The following SEC11C variants were observed in gnomAD, a reference collection of about 807,000 sequenced individuals.
SEC11C encodes SEC11 homolog C, signal peptidase complex subunit.
Under a neutral mutation model 21.9 loss-of-function variants are expected in SEC11C, and 10 were observed. That is an observed-to-expected ratio of 0.46 (90% CI 0.28 to 0.77). The LOEUF (loss-of-function observed/expected upper bound fraction) is 0.77. SEC11C is among the 30% of genes least tolerant of loss of function. The probability of loss-of-function intolerance (pLI) is 0.12; values close to 1 mark genes in which losing one functional copy is unlikely to be tolerated. For missense variants in SEC11C, 145 were observed against 244.5 expected, an observed-to-expected ratio of 0.59 and a Z score of 2.71; for synonymous variants, 83 against 85.6, an observed-to-expected ratio of 0.97 and a Z score of 0.17.
intron 1 of SEC11C, chr18:59,147,964 AGAAGTGAG>A (rs1347237702): frequency 1.3e-5 from 2 of 152,306 alleles, no homozygotes; most frequent in Non-Finnish European, 2.9e-5. Context: ...AGGTGTACAC[AGAAGTGAG>A]CACAGATGCC....
At chr18:59,157,731 T>C (rs1380694819) in intron 5 of SEC11C, 66 bp downstream of exon 5, 6 of 1,096,326 alleles carry the variant, frequency 5.5e-6, no homozygotes, top group Non-Finnish European at 5.6e-6. Flanking sequence ...CTTCTGCAAC[T>C]GTAAACAGGC....
chr18:59,153,927 G>T (rs150103272), intron 3 of SEC11C, among the ~76,000 whole-genome samples: 11,242 of 152,028 alleles, frequency 0.074, 675 homozygotes, highest in African/African-American at 0.16. Flanking sequence ...GGCTGATCTC[G>T]AACTCCTGAC....
chr18:59,158,584 A>G lies in SEC11C; in HGVS notation c.526-48A>G, dbSNP rs1483447567. ...TCATCTGAATACATTTACAGACCAA[A>G]TTTCTTTGTAGACCTCACAGTGATT... On this transcript the variant is annotated intron_variant, in intron 5 of 5. Transcript: ENST00000587834. The G allele has an allele frequency of 3.9e-6, 6 of 1,532,812 alleles. No homozygotes were observed. The Admixed American group carries it at 8.4e-5, about 21-fold the overall frequency. The allele number at this position is 1,532,812 out of a possible 1,614,324, so 95.0% of individuals were successfully genotyped here. A position where few individuals can be genotyped will look rare whatever the true frequency, so the allele number is the denominator to read the frequency against.
intron 1 of SEC11C, chr18:59,146,856 A>G (rs1157401160): frequency 6.6e-6 from 1 of 152,142 alleles, no homozygotes; most frequent in Admixed American, 6.5e-5. Flanking sequence ...GAATCACCCC[A>G]CCCCTCCCAG....
intron 3 of SEC11C, among the ~76,000 whole-genome samples, chr18:59,154,923 C>T (rs571938278): frequency 6.6e-6 from 1 of 151,968 alleles, no homozygotes; most frequent in Non-Finnish European, 1.5e-5. Context: ...AAAATTACCT[C>T]GGTGTGGTGG....
chr18:59,148,539 G>A lies in SEC11C; in HGVS notation c.88-974G>A, dbSNP rs988406488. ...TAAACGCAGTGGTCTGAGGTAGATC[G>A]GGTGGGCTTTCACCTCCTTCTCAGA... On this transcript the variant is annotated intron_variant, in intron 1 of 5. Coordinates refer to ENST00000587834, the MANE Select transcript of SEC11C (RefSeq NM_033280.4). Among the ~76,000 whole-genome samples, 5 of 152,316 alleles carry A rather than the reference G, an allele frequency of 3.3e-5. No homozygotes were observed. The East Asian group carries it at 5.8e-4, about 18-fold the overall frequency.
chr18:59,158,003 A>AATATATACACATATATGTAT (rs961123327), intron 5 of SEC11C, among the ~76,000 whole-genome samples: 1 of 152,040 alleles, frequency 6.6e-6, no homozygotes, highest in Non-Finnish European at 1.5e-5. Flanking sequence ...TCTCTCTCTA[A>AATATATACACATATATGTAT]ATATATACAC....
chr18:59,148,253 C>T (rs1031398424), intron 1 of SEC11C, among the ~76,000 whole-genome samples: 6 of 152,172 alleles, frequency 3.9e-5, no homozygotes, highest in African/African-American at 1.4e-4. Flanking sequence ...CCCTGGAGGG[C>T]GGTGCTGGCA....
chr18:59,144,166 C>T (rs1171147731), intron 1 of SEC11C, among the ~76,000 whole-genome samples: 1 of 152,152 alleles, frequency 6.6e-6, no homozygotes, highest in Non-Finnish European at 1.5e-5. Flanking sequence ...CCACTTTCTA[C>T]TCAGTTATTT....
At chr18:59,144,219 T>C (rs973273385) in intron 1 of SEC11C, among the ~76,000 whole-genome samples, 5 of 152,214 alleles carry the variant, frequency 3.3e-5, no homozygotes, top group African/African-American at 1.2e-4. Flanking sequence ...ATTATTAGAA[T>C]TAAGACTGTA....
chr18:59,141,983 C>T (rs2069216120), intron 1 of SEC11C, among the ~76,000 whole-genome samples: 1 of 152,132 alleles, frequency 6.6e-6, no homozygotes, highest in Admixed American at 6.5e-5. Context: ...CTGCTGTGAG[C>T]ATTAAGTGCT....
chr18:59,139,908 A>C lies in SEC11C; in HGVS notation c.-41A>C. 3.4e-6 allele frequency: 5 copies of C among 1,460,712 alleles called. No individual in the cohort carries two copies. The highest frequency in any genetic ancestry group is 4.6e-6 in the Non-Finnish European group (5 of 1,091,956). 90.5% of individuals were successfully genotyped at this position (1,460,712 alleles called of 1,614,324 possible). On this transcript the variant is annotated 5_prime_UTR_variant, in exon 1 of 6. Transcript: ENST00000587834. ...CAGGTGCTCCGCAGCCGTCTGTGCC[A>C]CCCAGAGCCGGCGGGCCGCTAGGTC...
At chr18:59,153,948 C>G (rs2069389448) in intron 3 of SEC11C, among the ~76,000 whole-genome samples, 2 of 152,144 alleles carry the variant, frequency 1.3e-5, no homozygotes, top group South Asian at 4.1e-4. Flanking sequence ...CTCAGGTGAT[C>G]CATCCGCCTT....
chr18:59,146,777 C>A (rs138906289), intron 1 of SEC11C, among the ~76,000 whole-genome samples: 2 of 152,090 alleles, frequency 1.3e-5, no homozygotes, highest in Non-Finnish European at 1.5e-5. Flanking sequence ...GAAGGGTTTG[C>A]GATGGGAGAG....
At position 59,154,485 on chromosome 18, in the gene SEC11C, GCTAT is replaced by G. The variant is rs141228362; in HGVS notation, c.348-1200_348-1197del. On this transcript the variant is annotated intron_variant, in intron 3 of 5. Coordinates refer to ENST00000587834, the MANE Select transcript of SEC11C (RefSeq NM_033280.4). The stretch of plus-strand genomic sequence containing the variant: ...ACAATATTATGTTTCTAGAGTCAAG[GCTAT>G]CTGAGTACCAGTTTAGAATGCTTAA... Among the ~76,000 whole-genome samples the G allele has an allele frequency of 4.1e-3, 619 of 152,244 alleles. 2 individuals carry two copies. Among genetic ancestry groups the G allele is most frequent in the African/African-American group, 0.014 (569 of 41,550 alleles).
At chr18:59,140,074 C>A in intron 1 of SEC11C, 39 bp downstream of exon 1, 1 of 1,532,910 alleles carries the variant, frequency 6.5e-7, no homozygotes, top group Non-Finnish European at 8.8e-7. Context: ...TGGCCGGGAC[C>A]GCCTGTGCTA....
intron 2 of SEC11C, among the ~76,000 whole-genome samples, chr18:59,149,913 T>G (rs1603377430): frequency 6.6e-6 from 1 of 152,210 alleles, no homozygotes; most frequent in African/African-American, 2.4e-5. Context: ...ATTCCTGCAT[T>G]ATTTCTATAC....
chr18:59,144,068 G>A (rs1197215320), intron 1 of SEC11C, among the ~76,000 whole-genome samples: 4 of 152,050 alleles, frequency 2.6e-5, no homozygotes, highest in Non-Finnish European at 5.9e-5. Context: ...TGGCCAGGCT[G>A]GTCTTGAACT....
chr18:59,152,311 A>T (rs771476981), intron 2 of SEC11C, among the ~76,000 whole-genome samples: 8 of 151,878 alleles, frequency 5.3e-5, no homozygotes, highest in Non-Finnish European at 7.4e-5. Flanking sequence ...TCTACCTGAT[A>T]CAAACTGCAG....
Sources: allele counts gnomAD v4.1 joint callset (sites outside exome capture counted in the v4.1 genomes callset), GRCh38; gene constraint gnomAD v4.1.1; transcripts MANE v1.5; gene names NCBI Gene and HGNC (gene_info 2026-07-23, HGNC 2026-07-21).